RARA: variants seen among roughly 807,000 people sequenced by gnomAD.
The protein encoded by RARA is retinoic acid receptor alpha.
In RARA, 5 loss-of-function variants were observed where a neutral mutation model predicts 42.8. The ratio of observed to expected loss-of-function variants is 0.12; its 90% CI spans 0.06 to 0.25. The LOEUF (loss-of-function observed/expected upper bound fraction) is 0.25, where lower values mean the gene tolerates loss of function less well. Among genes scored for constraint, RARA ranks in the 10% least tolerant of loss-of-function variants. The pLI, the probability that RARA is intolerant of heterozygous loss-of-function variation, is 1.00. For missense variants in RARA, 402 were observed against 628.7 expected, an observed-to-expected ratio of 0.64 and a Z score of 3.86; for synonymous variants, 256 against 259.5, an observed-to-expected ratio of 0.99 and a Z score of 0.13.
chr17:40,314,173 C>CGGGG (rs2033146905), intron 1 of RARA, among the ~76,000 whole-genome samples: 1 of 5,854 alleles, frequency 1.7e-4, no homozygotes, highest in Non-Finnish European at 3.6e-4. Flanking sequence ...AGGGATATGG[C>CGGGG]GGGTGGAGGG....
Position 40,345,429 on chromosome 17 carries a change from T to G in RARA, c.179-2887T>G, listed in dbSNP as rs1292108305. ...GGGAGCCGCTGGCCGGGGGCCCGGCTGATTTCCTGCTGATCTCCTCCAGGA... is the reference window on the plus strand; with the variant it reads ...GGGAGCCGCTGGCCGGGGGCCCGGCGGATTTCCTGCTGATCTCCTCCAGGA... On this transcript the variant is annotated intron_variant, in intron 2 of 8. Coordinates refer to ENST00000254066, the MANE Select transcript of RARA (RefSeq NM_000964.4). The surrounding 1 kb of genome is among the most constrained non-coding windows in gnomAD (Gnocchi z 4.8). 1 of 152,324 alleles carries G rather than the reference T, an allele frequency of 6.6e-6. No homozygotes were observed. Among genetic ancestry groups the G allele is most frequent in the African/African-American group, 2.4e-5 (1 of 41,458 alleles). The allele number at this position is 152,324 out of a possible 1,614,324, so 9.4% of individuals were successfully genotyped here. A position where few individuals can be genotyped will look rare whatever the true frequency, so the allele number is the denominator to read the frequency against.
In RARA at chr17:40,326,617, T is replaced by A. The variant is rs2143241085; in HGVS notation, c.-362-4240T>A. On this transcript the variant is annotated intron_variant, in intron 1 of 8. Transcript: ENST00000254066. The surrounding 1 kb of genome is among the most constrained non-coding windows in gnomAD (Gnocchi z 5.2). The stretch of plus-strand genomic sequence containing the variant: ...CAGGTGCTCTAGCCCCCTACCCCTT[T>A]TTCTGCTGTGCTTAGGCTAGGCTCC... The A allele has an allele frequency of 6.6e-6, 1 of 152,392 alleles. No individual in the cohort carries two copies. Among genetic ancestry groups the A allele is most frequent in the East Asian group, 1.9e-4 (1 of 5,174 alleles). 9.4% of individuals were successfully genotyped at this position (152,392 alleles called of 1,614,324 possible).
intron 2 of RARA, chr17:40,342,337 C>T: frequency 9.3e-7 from 1 of 1,075,992 alleles, no homozygotes; most frequent in African/African-American, 1.6e-5. Flanking sequence ...CCGCGCTGAT[C>T]CCGCCCCCGG....
chr17:40,331,473 G>T, intron 2 of RARA, 77 bp downstream of exon 2: 1 of 1,484,922 alleles, frequency 6.7e-7, no homozygotes, highest in South Asian at 1.3e-5. Context: ...CTCTGGGCAC[G>T]TCTGTTCTGC....
At chr17:40,344,156 C>G (rs186701184) in intron 2 of RARA, among the ~76,000 whole-genome samples, 185 of 151,954 alleles carry the variant, frequency 1.2e-3, no homozygotes, top group Middle Eastern at 0.01. Flanking sequence ...CTTACCCCAC[C>G]CCTCTTGCTG....
intron 4 of RARA, 62 bp downstream of exon 4, chr17:40,349,987 AC>A (rs2034390487): frequency 6.3e-7 from 1 of 1,592,640 alleles, no homozygotes; most frequent in Non-Finnish European, 8.6e-7. Context: ...GCTCCTAAAG[AC>A]CAAGGGAGCA....
intron 1 of RARA, among the ~76,000 whole-genome samples, chr17:40,310,903 C>T (rs953588073): frequency 1.3e-5 from 2 of 152,096 alleles, no homozygotes; most frequent in Non-Finnish European, 2.9e-5. Context: ...TAGTTTTCTT[C>T]CCCCATCCTT....
chr17:40,343,096 C>T (rs1257465088), intron 2 of RARA: 24 of 767,750 alleles, frequency 3.1e-5, no homozygotes, highest in Non-Finnish European at 4.4e-5. Context: ...TTGAGAGTTC[C>T]TTCTTTCAAG....
Position 40,345,133 on chromosome 17 carries a change from C to T in RARA, c.179-3183C>T, listed in dbSNP as rs1383118156. The T allele has an allele frequency of 6.5e-6, 1 of 153,706 alleles. No homozygotes were observed. The highest frequency in any genetic ancestry group is 1.9e-4 in the East Asian group (1 of 5,190). The allele number at this position is 153,706 out of a possible 1,614,324, so 9.5% of individuals were successfully genotyped here. A position where few individuals can be genotyped will look rare whatever the true frequency, so the allele number is the denominator to read the frequency against. On this transcript the variant is annotated intron_variant, in intron 2 of 8. Transcript: ENST00000254066. This position sits in a 1 kb window ranked among gnomAD's most constrained non-coding sequence, Gnocchi z 4.8. ...ACAGGATGTGGCTCCCCATCTGTCT[C>T]CCACCAATCTCCGCCACTCACACCT...
chr17:40,353,345 A>G (rs2034513899), intron 6 of RARA, among the ~76,000 whole-genome samples: 1 of 152,066 alleles, frequency 6.6e-6, no homozygotes. Context: ...GGCTGGAGGG[A>G]GCACTCTCCT....
rs138781565 is a variant in RARA, at chr17:40,331,339, C to G, written c.121C>G (p.Leu41Val). The G allele has an allele frequency of 2.0e-5, 32 of 1,613,984 alleles. 1 individual carries two copies. The South Asian group carries it at 3.2e-4, about 16-fold the overall frequency. The change falls in exon 2 of 9, where the codon CTG (leucine) becomes GTG (valine). Residue 41 changes from leucine (L) to valine (V), a missense_variant. Physicochemically the swap from Leu to Val is conservative, Grantham distance 32. This residue lies in a region of RARA where 91 missense variants were observed against 105.2 expected (regional missense o/e 0.87). Coordinates refer to ENST00000254066, the MANE Select transcript of RARA (RefSeq NM_000964.4). ...MLGGLSPPGA[L>V]TTLQHQLPVS... is the part of the protein sequence containing the mutation. ...GGGTGGACTCTCCCCGCCAGGCGCTCTGACCACTCTCCAGCACCAGCTTCC... is the reference window on the plus strand; with the variant it reads ...GGGTGGACTCTCCCCGCCAGGCGCTGTGACCACTCTCCAGCACCAGCTTCC...
At chr17:40,315,116 A>T (rs2033169246) in intron 1 of RARA, among the ~76,000 whole-genome samples, 1 of 131,400 alleles carries the variant, frequency 7.6e-6, no homozygotes, top group Non-Finnish European at 1.6e-5. Context: ...ATATATATAT[A>T]TATATGCTTA....
chr17:40,356,488 T>G lies in RARA; in HGVS notation c.*262T>G. ...TGAGTGAGGCCCCTGGTCCTGGGTC[T>G]CAGGATGGGTCCTGGGGGCCTCGTG... On this transcript the variant is annotated 3_prime_UTR_variant, in exon 9 of 9. Transcript: ENST00000254066. 1.5e-6 allele frequency: 1 copy of G among 685,126 alleles called. No homozygotes were observed. The highest frequency in any genetic ancestry group is 1.5e-5 in the South Asian group (1 of 66,606). 42.4% of individuals were successfully genotyped at this position (685,126 alleles called of 1,614,324 possible). A position where few individuals can be genotyped will look rare whatever the true frequency, so the allele number is the denominator to read the frequency against.
chr17:40,312,488 G>T (rs1442306579), intron 1 of RARA, among the ~76,000 whole-genome samples: 3 of 152,248 alleles, frequency 2.0e-5, no homozygotes, highest in Non-Finnish European at 4.4e-5. Context: ...AGGCTGCAGG[G>T]ACTATTTTTA....
At chr17:40,342,943 G>A in intron 2 of RARA, 1 of 1,535,942 alleles carries the variant, frequency 6.5e-7, no homozygotes, top group South Asian at 1.2e-5. Flanking sequence ...ACTCGGGGGT[G>A]AGAGTCCCGG....
At chr17:40,348,153 C>T in intron 2 of RARA, 163 bp from the exon 3 acceptor site, 1 of 849,782 alleles carries the variant, frequency 1.2e-6, no homozygotes, top group Non-Finnish European at 1.7e-6. Context: ...CAGCCTCCTG[C>T]CCTGAGTCTG....
chr17:40,323,929 C>T (rs1378170189), intron 1 of RARA, among the ~76,000 whole-genome samples: 1 of 151,962 alleles, frequency 6.6e-6, no homozygotes, highest in African/African-American at 2.4e-5. Flanking sequence ...TGGCAGTTTG[C>T]CCTGGGACTC....
chr17:40,321,321 G>A (rs950096558), intron 1 of RARA, among the ~76,000 whole-genome samples: 6 of 151,810 alleles, frequency 4.0e-5, no homozygotes, highest in African/African-American at 1.2e-4. Flanking sequence ...CTTGCCTCCC[G>A]CTCCAGTCCC....
At chr17:40,319,585 C>G (rs999998821) in intron 1 of RARA, among the ~76,000 whole-genome samples, 3 of 151,660 alleles carry the variant, frequency 2.0e-5, no homozygotes, top group Admixed American at 2.0e-4. Context: ...CACTCCCCCT[C>G]CTCAGTTTCC....
Sources: allele counts gnomAD v4.1 joint callset (sites outside exome capture counted in the v4.1 genomes callset), GRCh38; gene constraint gnomAD v4.1.1; regional missense constraint gnomAD v4.1.1; non-coding constraint Gnocchi (gnomAD v3.1); transcripts MANE v1.5; gene names NCBI Gene and HGNC (gene_info 2026-07-23, HGNC 2026-07-21).